Variants in TREM1 observed in about 807,000 individuals in gnomAD.
TREM1 encodes triggering receptor expressed on monocytes 1.
In TREM1, 16 loss-of-function variants were observed where a neutral mutation model predicts 22.4. The ratio of observed to expected loss-of-function variants is 0.71; its 90% CI spans 0.48 to 1.08. The LOEUF (loss-of-function observed/expected upper bound fraction) is 1.08, where lower values mean the gene tolerates loss of function less well. Among genes scored for constraint, TREM1 ranks in the 50% least tolerant of loss-of-function variants. The pLI is 0.00. For synonymous variants in TREM1, 110 were observed against 111.6 expected (o/e 0.99, Z 0.09); for missense variants, 283 against 282.9 (o/e 1.00, Z 0.00).
chr6:41,285,215 GA>G (rs2113998705), intron 1 of TREM1, among the ~76,000 whole-genome samples: 1 of 152,348 alleles, frequency 6.6e-6, no homozygotes, highest in Admixed American at 6.5e-5. Context: ...GAGACAATAA[GA>G]AATGAAGGCT....
downstream of TREM1, among the ~76,000 whole-genome samples, chr6:41,271,964 C>G (rs1300895656): frequency 6.6e-6 from 1 of 152,210 alleles, no homozygotes; most frequent in Non-Finnish European, 1.5e-5. Flanking sequence ...CCAGGGCCAC[C>G]CTCAGAGCCC....
rs1581625088 is a variant in TREM1, at chr6:41,275,898, G to A, written c.*227C>T. The A allele has an allele frequency of 1.8e-6, 1 of 567,954 alleles. No homozygotes were observed. The highest frequency in any genetic ancestry group is 3.0e-5 in the East Asian group (1 of 33,570). The allele number at this position is 567,954 out of a possible 1,614,324, so 35.2% of individuals were successfully genotyped here. The stretch of plus-strand genomic sequence containing the variant: ...GCTGGTGGAATGAAGGACCAAGCAT[G>A]TTTGGGGCTGTAACTTCTTTTCTGA... On this transcript the variant is annotated 3_prime_UTR_variant, in exon 4 of 4. Transcript: ENST00000244709.
downstream of TREM1, among the ~76,000 whole-genome samples, chr6:41,271,925 TGCAGCAGCAGGAGCAGCA>T (rs1554145793): frequency 6.6e-6 from 1 of 152,128 alleles, no homozygotes; most frequent in African/African-American, 2.4e-5. Context: ...TCTCCTTACC[TGCAGCAGCAGGAGCAGCA>T]GCAGCAGCAG....
chr6:41,276,627 C>T (rs889494302), intron 3 of TREM1, among the ~76,000 whole-genome samples: 2 of 152,050 alleles, frequency 1.3e-5, no homozygotes, highest in African/African-American at 4.8e-5. Flanking sequence ...AGAATCCACC[C>T]GTAGTGAAAA....
At chr6:41,276,286 A>G (rs561205811) in intron 3 of TREM1, 56 bp from the exon 4 acceptor site, 898 of 1,325,414 alleles carry the variant, frequency 6.8e-4, no homozygotes, top group Non-Finnish European at 9.2e-4. Context: ...CCACACGCAC[A>G]TGTTCCCTCT....
chr6:41,268,163 A>C, intron 3 of TREM1: 1 of 398,124 alleles, frequency 2.5e-6, no homozygotes. Context: ...TTCACTTGGC[A>C]TCCTTTATGG....
chr6:41,280,724 G>A, intron 3 of TREM1: 1 of 1,436,890 alleles, frequency 7.0e-7, no homozygotes, highest in African/African-American at 1.4e-5. Context: ...TTAATACTCA[G>A]GTTGCAAGGA....
chr6:41,284,874 A>G (rs183681763), intron 1 of TREM1, among the ~76,000 whole-genome samples: 205 of 152,310 alleles, frequency 1.3e-3, no homozygotes, highest in Non-Finnish European at 2.4e-3. Flanking sequence ...GAAACCTCGG[A>G]AACAGACCTC....
chr6:41,284,599 G>T (rs774273588), intron 1 of TREM1, among the ~76,000 whole-genome samples: 10 of 152,156 alleles, frequency 6.6e-5, no homozygotes, highest in African/African-American at 1.4e-4. Flanking sequence ...CAAATAACAG[G>T]CTAGACAGTG....
chr6:41,272,722 G>A (rs1408100700), downstream of TREM1, among the ~76,000 whole-genome samples: 4 of 152,166 alleles, frequency 2.6e-5, no homozygotes, highest in Non-Finnish European at 1.5e-5. Context: ...TGAGTACCAG[G>A]TATGGGCTTC....
At chr6:41,280,531 C>T in intron 3 of TREM1, 2 of 1,083,324 alleles carry the variant, frequency 1.8e-6, no homozygotes, top group Non-Finnish European at 2.2e-6. Flanking sequence ...TCTACCATGC[C>T]TACTGAATTG....
intron 3 of TREM1, among the ~76,000 whole-genome samples, chr6:41,277,907 CT>C (rs11341322): frequency 0.27 from 29,651 of 111,148 alleles, 3,743 homozygotes; most frequent in African/African-American, 0.34. Flanking sequence ...TTCTTTTTGT[CT>C]TTTTTTTTTT....
At chr6:41,283,719 A>ACACACACAC (rs1554147926) in intron 1 of TREM1, among the ~76,000 whole-genome samples, 4,291 of 146,900 alleles carry the variant, frequency 0.029, 168 homozygotes, top group African/African-American at 0.087. Flanking sequence ...TAAAAAAAAA[A>ACACACACAC]ACACACACAC....
chr6:41,285,803 T>G (rs1042878913), intron 1 of TREM1, among the ~76,000 whole-genome samples: 2 of 152,186 alleles, frequency 1.3e-5, no homozygotes, highest in Non-Finnish European at 2.9e-5. Context: ...CCCAGAGCAA[T>G]GTCTGAGCAC....
intron 3 of TREM1, among the ~76,000 whole-genome samples, chr6:41,276,682 TTCTG>T (rs1767685518): frequency 3.3e-5 from 5 of 152,072 alleles, no homozygotes; most frequent in Non-Finnish European, 7.4e-5. Flanking sequence ...ATTCTAAGGT[TTCTG>T]GGTAAACATC....
At chr6:41,271,836 AACT>A (rs1416867586), downstream of TREM1, among the ~76,000 whole-genome samples, 1 of 152,158 alleles carries the variant, frequency 6.6e-6, no homozygotes, top group Non-Finnish European at 1.5e-5. Context: ...TATAAGAGGA[AACT>A]CCCATTAGTG....
intron 1 of TREM1, among the ~76,000 whole-genome samples, chr6:41,286,076 A>C (rs1016845513): frequency 1.3e-5 from 2 of 152,176 alleles, no homozygotes; most frequent in African/African-American, 4.8e-5. Context: ...GAGCCTCAGC[A>C]ACTGTGCCCT....
chr6:41,268,009 G>T, exon 4 of TREM1: 1 of 398,612 alleles, frequency 2.5e-6, no homozygotes, highest in Non-Finnish European at 4.4e-6. Flanking sequence ...TGACTTATCC[G>T]AAAGTGCCCA....
downstream of TREM1, among the ~76,000 whole-genome samples, chr6:41,271,474 G>C (rs1051235196): frequency 6.6e-6 from 1 of 152,176 alleles, no homozygotes; most frequent in Admixed American, 6.5e-5. Context: ...TGCCCTGCTA[G>C]AGTGACTTCC....
Sources: gnomAD v4.1 joint callset for allele counts (sites outside exome capture counted in the v4.1 genomes callset) on GRCh38, gnomAD v4.1.1 for gene constraint, MANE v1.5 for transcripts, NCBI Gene and HGNC (gene_info 2026-07-23, HGNC 2026-07-21) for gene names.